The following FGG variants were observed in gnomAD, a reference collection of about 807,000 sequenced individuals.
FGG encodes fibrinogen gamma chain, also known as fibrinogen, gamma polypeptide.
FGG carries 20 observed loss-of-function variants against 51.7 expected under a neutral mutation model. That is an observed-to-expected ratio of 0.39 (90% CI 0.27 to 0.56). FGG has a LOEUF of 0.56. FGG is among the 20% of genes least tolerant of loss of function. FGG has a pLI of 0.64. For missense variants in FGG, 460 were observed against 534.2 expected, an observed-to-expected ratio of 0.86 and a Z score of 1.37; for synonymous variants, 184 against 184.7, an observed-to-expected ratio of 1.00 and a Z score of 0.03.
chr4:154,612,136 G>T lies in FGG; in HGVS notation c.189C>A (p.Asp63Glu). ...DFLSTYQTKV[D>E]KDLQSLEDIL... ...TGTCTTCCAAAGACTGTAGATCCTT[G>T]TCTACTTTGGTTTGATAAGTAGACA... The change falls in exon 3 of 9, where the codon GAC becomes GAA. Residue 63 changes from aspartate (D) to glutamate (E), a missense_variant. By Grantham distance (45) the Asp-to-Glu change is conservative. Coordinates refer to ENST00000336098, the MANE Select transcript of FGG (RefSeq NM_021870.3). The T allele has an allele frequency of 1.2e-6, 2 of 1,612,124 alleles. No homozygotes were observed. Among genetic ancestry groups the T allele is most frequent in the Non-Finnish European group, 1.7e-6 (2 of 1,179,366 alleles).
intron 4 of FGG, among the ~76,000 whole-genome samples, chr4:154,610,482 C>T (rs1193886042): frequency 6.6e-6 from 1 of 152,184 alleles, no homozygotes; most frequent in Non-Finnish European, 1.5e-5. Context: ...ATTGTCTCAA[C>T]TCCCAACACA....
In FGG at chr4:154,604,816, A is replaced by G; in HGVS notation, c.*18T>C. On this transcript the variant is annotated 3_prime_UTR_variant, in exon 9 of 9. Transcript: ENST00000336098. ...TTTCTGAAACTTTGTGGGTCAATAGAAGTTAGCAGTTAATTTTCTACAAAT... is the reference window on the plus strand; with the variant it reads ...TTTCTGAAACTTTGTGGGTCAATAGGAGTTAGCAGTTAATTTTCTACAAAT... 1 of 1,613,574 alleles carries G rather than the reference A, an allele frequency of 6.2e-7. No homozygotes were observed. The highest frequency in any genetic ancestry group is 1.1e-5 in the South Asian group (1 of 91,062).
At chr4:154,610,045 C>T in intron 5 of FGG, 22 bp downstream of exon 5, 1 of 1,613,378 alleles carries the variant, frequency 6.2e-7, no homozygotes, top group Non-Finnish European at 8.5e-7. Context: ...AACCTAATCC[C>T]AATATAACCT....
rs1159007144 is a variant in FGG at position 154,604,803 on chromosome 4, T to G, written c.*31A>C. 1 of 1,612,874 alleles carries G rather than the reference T, an allele frequency of 6.2e-7. No individual in the cohort carries two copies. Among genetic ancestry groups the G allele is most frequent in the Non-Finnish European group, 8.5e-7 (1 of 1,179,834 alleles). The stretch of plus-strand genomic sequence containing the variant: ...AACTTTCAGAGAATTTCTGAAACTT[T>G]GTGGGTCAATAGAAGTTAGCAGTTA... On this transcript the variant is annotated 3_prime_UTR_variant, in exon 9 of 9. Transcript: ENST00000336098.
intron 5 of FGG, 81 bp from the exon 6 acceptor site, chr4:154,609,844 G>A (rs1731169587): frequency 1.3e-6 from 2 of 1,587,636 alleles, no homozygotes; most frequent in Admixed American, 1.7e-5. Context: ...CTTTTAACAT[G>A]TAGTAAACTA....
In FGG at chr4:154,610,211, C is replaced by T; in HGVS notation, c.402-14G>A. On this transcript the variant is annotated splice_polypyrimidine_tract_variant and intron_variant, in intron 4 of 8. Transcript: ENST00000336098. Reference sequence around the variant, plus strand: ...TCCTGCAAATATCTACAAACAGAAACATAAGATAACAAAAATAAGAAGACA... The same window carrying T: ...TCCTGCAAATATCTACAAACAGAAATATAAGATAACAAAAATAAGAAGACA... 1.3e-6 allele frequency: 2 copies of T among 1,538,194 alleles called. No homozygotes were observed. Among genetic ancestry groups the T allele is most frequent in the Non-Finnish European group, 1.8e-6 (2 of 1,112,066 alleles).
intron 8 of FGG, among the ~76,000 whole-genome samples, chr4:154,606,078 A>T (rs934671443): frequency 6.6e-6 from 1 of 152,086 alleles, no homozygotes; most frequent in African/African-American, 2.4e-5. Flanking sequence ...CATTATTGTA[A>T]CATGGATCCT....
intron 6 of FGG, 109 bp from the exon 7 acceptor site, chr4:154,608,759 C>T (rs1731148493): frequency 2.9e-6 from 3 of 1,019,502 alleles, no homozygotes; most frequent in Admixed American, 3.8e-5. Context: ...CTATCAACTC[C>T]CAACTAAGTG....
chr4:154,612,363 C>A lies in FGG; in HGVS notation c.123+28G>T, dbSNP rs779073706. The A allele has an allele frequency of 3.1e-6, 5 of 1,611,550 alleles. No homozygotes were observed. The African/African-American group carries it at 6.7e-5, about 22-fold the overall frequency. The stretch of plus-strand genomic sequence containing the variant: ...CCTCTGCCCCTCTCCAGTTCACACA[C>A]AAAGGGAGAAACATAAAAACTACTT... On this transcript the variant is annotated intron_variant, in intron 2 of 8. Transcript: ENST00000336098.
chr4:154,611,958 G>T, intron 3 of FGG, 60 bp from the exon 4 acceptor site: 2 of 1,603,496 alleles, frequency 1.2e-6, no homozygotes, highest in Non-Finnish European at 1.7e-6. Flanking sequence ...TAAAACAACA[G>T]CAAAAGAACT....
intron 8 of FGG, 72 bp from the exon 9 acceptor site, chr4:154,605,138 T>C (rs1731075146): frequency 3.2e-6 from 5 of 1,544,962 alleles, no homozygotes; most frequent in Admixed American, 3.4e-5. Context: ...TGAAGAGCTG[T>C]CTATTACGAA....
At chr4:154,608,390 G>A (rs1198891229) in intron 7 of FGG, 76 bp downstream of exon 7, 10 of 1,401,052 alleles carry the variant, frequency 7.1e-6, no homozygotes, top group African/African-American at 5.7e-5. Context: ...ATTTGCCATT[G>A]TCTATTGATA....
At chr4:154,609,886 C>T in intron 5 of FGG, 123 bp from the exon 6 acceptor site, 5 of 1,538,708 alleles carry the variant, frequency 3.2e-6, no homozygotes, top group Non-Finnish European at 4.5e-6. Context: ...TCTTACTTTT[C>T]ACATCAGCAT....
At chr4:154,609,958 T>C in intron 5 of FGG, 109 bp downstream of exon 5, 1 of 1,546,054 alleles carries the variant, frequency 6.5e-7, no homozygotes, top group Non-Finnish European at 8.9e-7. Context: ...ATTCTTAGAC[T>C]TAATGGGTAG....
chr4:154,609,592 A>G, intron 6 of FGG, 38 bp downstream of exon 6: 1 of 1,612,244 alleles, frequency 6.2e-7, no homozygotes, highest in Non-Finnish European at 8.5e-7. Flanking sequence ...GAAACAATGT[A>G]GGAATTTATT....
At position 154,605,993 on chromosome 4, in the gene FGG, C is replaced by T. The variant is rs2066877; in HGVS notation, c.1129+712G>A. On this transcript the variant is annotated intron_variant, in intron 8 of 8. Transcript: ENST00000336098. ...GGGTGGTGTTGCTGTCCTTCTCCAA[C>T]GGAGAGTCTGTTGAGTGGGATTATC... Among the ~76,000 whole-genome samples, 2,647 of 152,180 alleles carry T rather than the reference C, an allele frequency of 0.017. 76 individuals carry two copies. Among genetic ancestry groups the T allele is most frequent in the African/African-American group, 0.06 (2,494 of 41,512 alleles).
intron 5 of FGG, 89 bp downstream of exon 5, chr4:154,609,978 A>C: frequency 6.3e-7 from 1 of 1,580,458 alleles, no homozygotes; most frequent in East Asian, 2.2e-5. Context: ...GCCACTTTCT[A>C]AACTATTCCT....
In FGG at chr4:154,609,679, A is replaced by T; in HGVS notation, c.617T>A (p.Val206Asp). 6.2e-7 allele frequency: 1 copy of T among 1,614,024 alleles called. No individual in the cohort carries two copies. Among genetic ancestry groups the T allele is most frequent in the Admixed American group, 1.7e-5 (1 of 59,994 alleles). The change falls in exon 6 of 9, where the codon GTC (valine) becomes GAC (aspartate). Residue 206 changes from valine to aspartate, a missense_variant. This residue lies in a region of FGG where 353 missense variants were observed against 391.7 expected (regional missense o/e 0.90). Coordinates refer to ENST00000336098, the MANE Select transcript of FGG (RefSeq NM_021870.3). Reference sequence around the variant, plus strand: ...TCCAGACCCATCGATTTCACAGTAGACTAAGAATTGCTGGTTAGCTTTCAG... The same window carrying T: ...TCCAGACCCATCGATTTCACAGTAGTCTAAGAATTGCTGGTTAGCTTTCAG... The part of the protein sequence containing the change: ...KPLKANQQFL[V>D]YCEIDGSGNG...
At position 154,605,056 on chromosome 4, in the gene FGG, G is replaced by A. The variant is rs752621352; in HGVS notation, c.1140C>T (p.Tyr380=). The change falls in exon 9 of 9, where the codon TAC becomes TAT. Residue 380 remains tyrosine, a synonymous_variant. Transcript: ENST00000336098. ...AACCATTAGGAGTAGATGCTTTTGA[G>A]TAAGTGCCACCTAAAACAAGTCGTA... The part of the protein sequence containing the change: ...LNGVYYQGGT[Y]SKASTPNGYD... The A allele has an allele frequency of 6.2e-7, 1 of 1,613,942 alleles. No homozygotes were observed.
Sources: gnomAD v4.1 joint callset for allele counts (sites outside exome capture counted in the v4.1 genomes callset) on GRCh38, gnomAD v4.1.1 for gene constraint, gnomAD v4.1.1 regional missense constraint, MANE v1.5 for transcripts, NCBI Gene and HGNC (gene_info 2026-07-23, HGNC 2026-07-21) for gene names.